Variants in KIAA1217 observed in about 807,000 individuals in gnomAD.
KIAA1217 encodes the protein KIAA1217, also known as sickle tail protein homolog.
Under a neutral mutation model 163.9 loss-of-function variants are expected in KIAA1217, and 88 were observed. That is an observed-to-expected ratio of 0.54 (90% CI 0.45 to 0.64). The LOEUF (loss-of-function observed/expected upper bound fraction) is 0.64. Among genes scored for constraint, KIAA1217 ranks in the 30% least tolerant of loss-of-function variants. The pLI, the probability that KIAA1217 is intolerant of heterozygous loss-of-function variation, is 0.00. For synonymous variants in KIAA1217, 903 were observed against 923.1 expected (o/e 0.98, Z 0.39); for missense variants, 2,372 against 2,475.0 (o/e 0.96, Z 0.88).
chr10:23,913,368 TG>T (rs1421118687), intron 1 of KIAA1217, among the ~76,000 whole-genome samples: 8 of 152,094 alleles, frequency 5.3e-5, no homozygotes, highest in African/African-American at 1.9e-4. Context: ...TTTACCGTGT[TG>T]TTTTTTTGTT....
intron 1 of KIAA1217, among the ~76,000 whole-genome samples, chr10:23,930,298 C>G (rs1182259601): frequency 6.6e-6 from 1 of 151,840 alleles, no homozygotes. Context: ...AAAATCAACC[C>G]CAGGATCTTT....
chr10:23,910,605 A>G (rs1358445709), intron 1 of KIAA1217, among the ~76,000 whole-genome samples: 7 of 152,200 alleles, frequency 4.6e-5, no homozygotes, highest in African/African-American at 1.4e-4. Flanking sequence ...ACTCTGAGCC[A>G]GAAAATTAAA....
chr10:23,818,269 A>T (rs900614870), intron 1 of KIAA1217, among the ~76,000 whole-genome samples: 2 of 143,542 alleles, frequency 1.4e-5, no homozygotes, highest in Non-Finnish European at 3.0e-5. Context: ...TATGTAATAT[A>T]TAATATGTTA....
In KIAA1217 at chr10:24,038,605, G is replaced by A. The variant is rs545496214; in HGVS notation, c.-171+31231G>A. On this transcript the variant is annotated intron_variant, in intron 2 of 18. Transcript: ENST00000376462. ...TGCAAGTGACCTATCCCCCTAAGGT[G>A]CAGTAGCACCTGGGAGGGCAGCCGA... Among the ~76,000 whole-genome samples the A allele has an allele frequency of 4.7e-4, 71 of 152,314 alleles. 2 individuals carry two copies. The South Asian group carries it at 0.014, about 29-fold the overall frequency.
At chr10:24,424,070 A>T (rs1029154221) in intron 3 of KIAA1217, among the ~76,000 whole-genome samples, 13 of 147,844 alleles carry the variant, frequency 8.8e-5, no homozygotes, top group Non-Finnish European at 1.4e-4. Context: ...GTTATTCCAA[A>T]TTTTTTTTTT....
chr10:24,501,796 T>C (rs2067647759), intron 9 of KIAA1217, among the ~76,000 whole-genome samples: 1 of 127,786 alleles, frequency 7.8e-6, no homozygotes. Flanking sequence ...TCCCCCAGGC[T>C]GGAGTGCAGT....
At chr10:24,141,237 C>T (rs74921424) in intron 2 of KIAA1217, among the ~76,000 whole-genome samples, 1 of 132,010 alleles carries the variant, frequency 7.6e-6, no homozygotes, top group Non-Finnish European at 1.6e-5. Context: ...CCCCCCCCCC[C>T]ATTTCTCTCT....
chr10:24,530,516 T>A (rs1329375731), intron 14 of KIAA1217, among the ~76,000 whole-genome samples: 1 of 152,240 alleles, frequency 6.6e-6, no homozygotes, highest in Non-Finnish European at 1.5e-5. Flanking sequence ...GGCAAATTTC[T>A]AAGTGTAGAG....
chr10:24,327,582 C>T (rs1474531512), intron 2 of KIAA1217, among the ~76,000 whole-genome samples: 1 of 152,078 alleles, frequency 6.6e-6, no homozygotes, highest in African/African-American at 2.4e-5. Flanking sequence ...CCTCAAACTC[C>T]TGGGTTGAAG....
chr10:23,980,205 G>A (rs1008989659), intron 1 of KIAA1217, among the ~76,000 whole-genome samples: 1 of 152,078 alleles, frequency 6.6e-6, no homozygotes, highest in Non-Finnish European at 1.5e-5. Context: ...TGTCTGTCCC[G>A]AGAATGGGAC....
At chr10:24,034,086 T>A (rs1848295885) in intron 2 of KIAA1217, among the ~76,000 whole-genome samples, 1 of 152,266 alleles carries the variant, frequency 6.6e-6, no homozygotes, top group Non-Finnish European at 1.5e-5. Context: ...ATATGCATTC[T>A]TACAATTGTC....
chr10:23,893,881 G>A (rs1162476850), intron 1 of KIAA1217, among the ~76,000 whole-genome samples: 2 of 151,578 alleles, frequency 1.3e-5, no homozygotes, highest in Non-Finnish European at 2.9e-5. Flanking sequence ...AGAACCAAAG[G>A]CAAAAACCAC....
At chr10:24,520,651 A>AAAAAAAAAAAT (rs1554926857) in intron 11 of KIAA1217, among the ~76,000 whole-genome samples, 1 of 39,678 alleles carries the variant, frequency 2.5e-5, no homozygotes, top group African/African-American at 8.8e-5. Context: ...AAAAAAAAAA[A>AAAAAAAAAAAT]ATATATATAT....
At chr10:24,333,732 TG>T (rs1209778812) in intron 2 of KIAA1217, among the ~76,000 whole-genome samples, 2 of 152,210 alleles carry the variant, frequency 1.3e-5, no homozygotes, top group African/African-American at 2.4e-5. Flanking sequence ...AGCAGGGATC[TG>T]GTCTGATCCC....
At chr10:24,183,103 C>G (rs571903178) in intron 2 of KIAA1217, among the ~76,000 whole-genome samples, 1 of 152,172 alleles carries the variant, frequency 6.6e-6, no homozygotes. Flanking sequence ...TGGGACACCC[C>G]CCAGGTTTTC....
chr10:23,943,129 T>A (rs917969399), intron 1 of KIAA1217, among the ~76,000 whole-genome samples: 4 of 151,574 alleles, frequency 2.6e-5, no homozygotes, highest in African/African-American at 7.3e-5. Flanking sequence ...GTCTCAAAAT[T>A]TAAAAAAAAG....
chr10:23,726,979 C>CTTTTTTTTTTTTTTTTTTT lies in KIAA1217; in HGVS notation c.-321+31753_-321+31771dup, dbSNP rs1012125050. 2.9e-4 allele frequency among the ~76,000 whole-genome samples: 27 copies of CTTTTTTTTTTTTTTTTTTT among 93,420 alleles called. 4 individuals are homozygous for CTTTTTTTTTTTTTTTTTTT. The highest frequency in any genetic ancestry group is 1.3e-3 in the African/African-American group (26 of 20,674). 61.3% of individuals were successfully genotyped at this position (93,420 alleles called of 152,430 possible). On this transcript the variant is annotated intron_variant, in intron 1 of 18. Transcript: ENST00000376462. ...ATTTCCATGCCATTTGTATAGGCCTCTTTTTTTTTTTTTTTTTTTTTTTTT... is the reference window on the plus strand; with the variant it reads ...ATTTCCATGCCATTTGTATAGGCCTCTTTTTTTTTTTTTTTTTTTTTTTTTTTTTTTTTTTTTTTTTTTT...
intron 1 of KIAA1217, among the ~76,000 whole-genome samples, chr10:23,917,455 A>C (rs1218936390): frequency 6.6e-6 from 1 of 152,204 alleles, no homozygotes; most frequent in African/African-American, 2.4e-5. Context: ...CCTTGTGAAA[A>C]GAGGGCAGTG....
intron 2 of KIAA1217, among the ~76,000 whole-genome samples, chr10:24,317,830 C>T (rs564129912): frequency 2.1e-4 from 32 of 152,134 alleles, no homozygotes; most frequent in Non-Finnish European, 3.8e-4. Context: ...TATGACCTAA[C>T]AATTTAGTGG....
Sources: gnomAD v4.1 joint callset for allele counts (sites outside exome capture counted in the v4.1 genomes callset) on GRCh38, gnomAD v4.1.1 for gene constraint, MANE v1.5 for transcripts, NCBI Gene and HGNC (gene_info 2026-07-23, HGNC 2026-07-21) for gene names.